BMPR2: variants seen among roughly 807,000 people sequenced by gnomAD.
BMPR2 encodes the protein bone morphogenetic protein receptor type-2.
In BMPR2, 29 loss-of-function variants were observed where a neutral mutation model predicts 100.8. The observed-to-expected ratio is 0.29, with a 90% CI of 0.21 to 0.39. The LOEUF is 0.39. Ranked by LOEUF, BMPR2 falls within the 10% of genes least tolerant of loss-of-function variation. BMPR2 has a pLI of 1.00. For synonymous variants in BMPR2, 382 were observed against 442.3 expected (o/e 0.86, Z 1.71); for missense variants, 1,011 against 1,274.5 (o/e 0.79, Z 3.15).
At position 202,503,619 on chromosome 2, in the gene BMPR2, C is replaced by T. The variant is rs1044095117; in HGVS notation, c.419-10100C>T. On this transcript the variant is annotated intron_variant, in intron 3 of 12. Transcript: ENST00000374580. The surrounding 1 kb of genome is among the most constrained non-coding windows in gnomAD (Gnocchi z 4.0). ...AGCTGCCTTCCCACAGGGCAGGGCT[C>T]GGGACCTGCAGCCCGCCATGCCTGA... Among the ~76,000 whole-genome samples, 4 of 152,340 alleles carry T rather than the reference C, an allele frequency of 2.6e-5. No homozygotes were observed. Among genetic ancestry groups the T allele is most frequent in the South Asian group, 2.1e-4 (1 of 4,830 alleles).
At chr2:202,452,532 C>T (rs888470126) in intron 1 of BMPR2, among the ~76,000 whole-genome samples, 1 of 151,944 alleles carries the variant, frequency 6.6e-6, no homozygotes, top group African/African-American at 2.4e-5. Flanking sequence ...GCCTATAGTC[C>T]CAACTATCCA....
At chr2:202,384,082 GA>G (rs1690364399) in intron 1 of BMPR2, among the ~76,000 whole-genome samples, 1 of 152,126 alleles carries the variant, frequency 6.6e-6, no homozygotes, top group African/African-American at 2.4e-5. Context: ...TGAGGCAGGA[GA>G]ATCACTTGAA....
Position 202,429,758 on chromosome 2 carries a change from C to T in BMPR2, c.77-35051C>T, listed in dbSNP as rs138025860. Among the ~76,000 whole-genome samples, 57 of 152,242 alleles carry T rather than the reference C, an allele frequency of 3.7e-4. 1 individual carries two copies. The highest frequency in any genetic ancestry group is 8.5e-4 in the Admixed American group (13 of 15,282). ...TGGCAGAAGGGGAAGCAGGTGCCTT[C>T]TTCACAAGGCAGCAGGAGAGAGAAG... is the stretch of plus-strand genomic sequence containing the variant. On this transcript the variant is annotated intron_variant, in intron 1 of 12. Transcript: ENST00000374580.
rs1688577792 is a variant in BMPR2 at position 202,556,622 on chromosome 2, A to G, written c.2866+91A>G. On this transcript the variant is annotated intron_variant, in intron 12 of 12. Transcript: ENST00000374580. ...ATCAACTAATAGATATATTTCAACT[A>G]GTGATTATTTACCTTTACCACTTTT... is the stretch of plus-strand genomic sequence containing the variant. The G allele has an allele frequency of 2.0e-5, 29 of 1,423,702 alleles. No individual in the cohort carries two copies. In the East Asian group the frequency reaches 6.7e-4, roughly 33 times the overall value. 88.2% of individuals were successfully genotyped at this position (1,423,702 alleles called of 1,614,324 possible).
chr2:202,522,512 A>G (rs1687835847), intron 7 of BMPR2, among the ~76,000 whole-genome samples: 2 of 151,520 alleles, frequency 1.3e-5, no homozygotes, highest in Admixed American at 1.3e-4. Flanking sequence ...CTCTCAAAAA[A>G]AAAAAAAAGA....
At chr2:202,529,410 C>T (rs1687976957) in intron 7 of BMPR2, among the ~76,000 whole-genome samples, 1 of 152,156 alleles carries the variant, frequency 6.6e-6, no homozygotes, top group Non-Finnish European at 1.5e-5. Context: ...AAACTTTTCT[C>T]AAAAGGGCAG....
rs1688729455 is a variant in BMPR2 at position 202,564,750 on chromosome 2, A to C, written c.*4804A>C. 6.6e-6 allele frequency: 1 copy of C among 152,136 alleles called. No homozygotes were observed. The highest frequency in any genetic ancestry group is 1.9e-4 in the East Asian group (1 of 5,182). 9.4% of individuals were successfully genotyped at this position (152,136 alleles called of 1,614,324 possible). A position where few individuals can be genotyped will look rare whatever the true frequency, so the allele number is the denominator to read the frequency against. The stretch of plus-strand genomic sequence containing the variant: ...GTGCACCTTCCCATTACTTTCCTTA[A>C]ATCACCTCATAGTTAGGCTGGGCGC... On this transcript the variant is annotated 3_prime_UTR_variant, in exon 13 of 13. Coordinates refer to ENST00000374580, the MANE Select transcript of BMPR2 (RefSeq NM_001204.7).
intron 3 of BMPR2, among the ~76,000 whole-genome samples, chr2:202,486,903 G>A (rs1044688023): frequency 2.0e-5 from 3 of 152,100 alleles, no homozygotes; most frequent in African/African-American, 7.2e-5. Flanking sequence ...GGTGGTGCAC[G>A]CCTGTAGTGC....
At chr2:202,393,489 T>G (rs1407627197) in intron 1 of BMPR2, among the ~76,000 whole-genome samples, 1 of 152,062 alleles carries the variant, frequency 6.6e-6, no homozygotes, top group Non-Finnish European at 1.5e-5. Context: ...TAGGGACAGG[T>G]CTCGCCATGT....
chr2:202,434,938 T>A (rs1243059461), intron 1 of BMPR2, among the ~76,000 whole-genome samples: 3 of 122,542 alleles, frequency 2.4e-5, no homozygotes, highest in South Asian at 2.7e-4. Context: ...TATATATATT[T>A]ATTTATTTAT....
At chr2:202,502,745 T>C (rs1403452402) in intron 3 of BMPR2, among the ~76,000 whole-genome samples, 1 of 151,846 alleles carries the variant, frequency 6.6e-6, no homozygotes, top group East Asian at 1.9e-4. Flanking sequence ...AGGGGAAGAG[T>C]GTTGTTTTTA....
chr2:202,452,440 T>C (rs1314884062), intron 1 of BMPR2, among the ~76,000 whole-genome samples: 1 of 152,220 alleles, frequency 6.6e-6, no homozygotes, highest in Non-Finnish European at 1.5e-5. Context: ...TTTTGTGTGA[T>C]ATATGATTTC....
intron 3 of BMPR2, among the ~76,000 whole-genome samples, chr2:202,508,280 A>G (rs1007341173): frequency 4.0e-5 from 6 of 151,564 alleles, no homozygotes; most frequent in African/African-American, 1.5e-4. Context: ...TTTAGTAGAG[A>G]TGGGGTTTCA....
Position 202,503,633 on chromosome 2 carries a change from C to T in BMPR2, c.419-10086C>T, listed in dbSNP as rs534330585. Among the ~76,000 whole-genome samples the T allele has an allele frequency of 1.8e-4, 28 of 152,346 alleles. No individual in the cohort carries two copies. Among genetic ancestry groups the T allele is most frequent in the African/African-American group, 5.3e-4 (22 of 41,586 alleles). ...AGGGCAGGGCTCGGGACCTGCAGCCCGCCATGCCTGAGCCTCCCACCCCCT... is the reference window on the plus strand; with the variant it reads ...AGGGCAGGGCTCGGGACCTGCAGCCTGCCATGCCTGAGCCTCCCACCCCCT... On this transcript the variant is annotated intron_variant, in intron 3 of 12. Coordinates refer to ENST00000374580, the MANE Select transcript of BMPR2 (RefSeq NM_001204.7). The surrounding 1 kb of genome is among the most constrained non-coding windows in gnomAD (Gnocchi z 4.0).
At chr2:202,526,551 T>C (rs1687915300) in intron 7 of BMPR2, among the ~76,000 whole-genome samples, 1 of 152,250 alleles carries the variant, frequency 6.6e-6, no homozygotes, top group Admixed American at 6.5e-5. Flanking sequence ...ATGCACTTGC[T>C]GTAGTGCTTT....
At chr2:202,443,605 C>T (rs1263885177) in intron 1 of BMPR2, among the ~76,000 whole-genome samples, 1 of 149,370 alleles carries the variant, frequency 6.7e-6, no homozygotes, top group East Asian at 1.9e-4. Flanking sequence ...GGTCTGTCAC[C>T]CAGGCTGGAG....
chr2:202,455,495 G>C (rs948296751), intron 1 of BMPR2, among the ~76,000 whole-genome samples: 1 of 152,212 alleles, frequency 6.6e-6, no homozygotes, highest in African/African-American at 2.4e-5. Flanking sequence ...CTGATATATA[G>C]TATATGGAAG....
Position 202,555,994 on chromosome 2 carries a change from C to T in BMPR2, c.2329C>T (p.His777Tyr), listed in dbSNP as rs773965156. The T allele has an allele frequency of 6.2e-7, 1 of 1,614,084 alleles. No homozygotes were observed. Among genetic ancestry groups the T allele is most frequent in the Non-Finnish European group, 8.5e-7 (1 of 1,180,012 alleles). The change falls in exon 12 of 13, where the codon CAC becomes TAC. Residue 777 changes from histidine (H) to tyrosine (Y), a missense_variant. Around this residue, in one of 6 missense-constraint regions of BMPR2, gnomAD observed 508 missense variants for 552.0 expected, o/e 0.92. Transcript: ENST00000374580. ...KEPRLKFGSK[H>Y]KSNLKQVETG... Reference sequence around the variant, plus strand: ...GCCCCGGCTAAAATTTGGCAGCAAGCACAAATCAAACTTGAAACAAGTCGA... The same window carrying T: ...GCCCCGGCTAAAATTTGGCAGCAAGTACAAATCAAACTTGAAACAAGTCGA...
intron 1 of BMPR2, among the ~76,000 whole-genome samples, chr2:202,427,837 G>A (rs368655479): frequency 3.3e-5 from 5 of 152,096 alleles, no homozygotes; most frequent in African/African-American, 1.2e-4. Context: ...AATTAGCCAG[G>A]CATGGTGGCA....
Sources: allele counts gnomAD v4.1 joint callset (sites outside exome capture counted in the v4.1 genomes callset), GRCh38; gene constraint gnomAD v4.1.1; regional missense constraint gnomAD v4.1.1; non-coding constraint Gnocchi (gnomAD v3.1); transcripts MANE v1.5; gene names NCBI Gene and HGNC (gene_info 2026-07-23, HGNC 2026-07-21).